The following PCNX2 variants were observed in gnomAD, a reference collection of about 807,000 sequenced individuals.
PCNX2 encodes the protein pecanex-like protein 2.
PCNX2 carries 168 observed loss-of-function variants against 223.8 expected under a neutral mutation model. The observed-to-expected ratio is 0.75, with a 90% CI of 0.66 to 0.85. The LOEUF (loss-of-function observed/expected upper bound fraction) is 0.85, where lower values mean the gene tolerates loss of function less well. Ranked by LOEUF, PCNX2 falls within the 40% of genes least tolerant of loss-of-function variation. The pLI is 0.00. For synonymous variants in PCNX2, 1,006 were observed against 1,052.6 expected (o/e 0.96, Z 0.86); for missense variants, 2,507 against 2,675.5 (o/e 0.94, Z 1.39).
chr1:233,137,138 A>C lies in PCNX2; in HGVS notation c.3660-1948T>G, dbSNP rs1676851425. On this transcript the variant is annotated intron_variant, in intron 20 of 33. Transcript: ENST00000258229. The stretch of plus-strand genomic sequence containing the variant: ...TTCAGTATAACATTGATGGGAAAAC[A>C]AAATGGATTCCTGGCCAGGACCCCA... 3.3e-5 allele frequency among the ~76,000 whole-genome samples: 5 copies of C among 152,268 alleles called. No homozygotes were observed. The South Asian group carries it at 1.0e-3, about 31-fold the overall frequency.
At position 233,155,288 on chromosome 1, in the gene PCNX2, C is replaced by T. The variant is rs144377632; in HGVS notation, c.3517+4995G>A. Among the ~76,000 whole-genome samples the T allele has an allele frequency of 5.3e-5, 8 of 152,202 alleles. 1 individual carries two copies. The East Asian group carries it at 7.7e-4, about 15-fold the overall frequency. On this transcript the variant is annotated intron_variant, in intron 19 of 33. Transcript: ENST00000258229. Reference sequence around the variant, plus strand: ...CTTTGTCTTTCCTGCAGGGCGGAACCTAGTGTCACGGCCCACATTACTGTA... The same window carrying T: ...CTTTGTCTTTCCTGCAGGGCGGAACTTAGTGTCACGGCCCACATTACTGTA...
chr1:233,292,194 CTTTCTTTCTTT>C (rs1396981079), intron 1 of PCNX2, among the ~76,000 whole-genome samples: 2 of 136,908 alleles, frequency 1.5e-5, no homozygotes, highest in African/African-American at 5.7e-5. Context: ...AACTTTCTTT[CTTTCTTTCTTT>C]TTTTTTTTTT....
At chr1:233,229,829 G>GA (rs147978617) in intron 9 of PCNX2, among the ~76,000 whole-genome samples, 4,063 of 150,954 alleles carry the variant, frequency 0.027, 89 homozygotes, top group Non-Finnish European at 0.045. Flanking sequence ...AAAAATTAAT[G>GA]AAAAAAAGAA....
intron 28 of PCNX2, among the ~76,000 whole-genome samples, chr1:233,002,159 G>A (rs1341862251): frequency 6.6e-6 from 1 of 152,094 alleles, no homozygotes; most frequent in East Asian, 1.9e-4. Context: ...ACAATATGGA[G>A]AGAGGAAATA....
chr1:233,192,118 A>G (rs1680452816), intron 15 of PCNX2, among the ~76,000 whole-genome samples: 1 of 152,200 alleles, frequency 6.6e-6, no homozygotes, highest in South Asian at 2.1e-4. Context: ...CTGACCAAGG[A>G]GTCTTACAAT....
chr1:233,108,492 C>T (rs1361203927), intron 21 of PCNX2, among the ~76,000 whole-genome samples: 2 of 152,186 alleles, frequency 1.3e-5, no homozygotes, highest in Admixed American at 6.5e-5. Flanking sequence ...TAGAAATTGC[C>T]GGCTCCTTCT....
intron 14 of PCNX2, among the ~76,000 whole-genome samples, chr1:233,199,709 G>A (rs1680944891): frequency 1.3e-5 from 2 of 151,764 alleles, no homozygotes; most frequent in African/African-American, 4.8e-5. Context: ...TGTCTCTATA[G>A]GTACACACAC....
chr1:233,261,620 G>T (rs12122968), intron 3 of PCNX2, among the ~76,000 whole-genome samples: 45,496 of 152,166 alleles, frequency 0.3, 7,012 homozygotes, highest in South Asian at 0.45. Context: ...GCTCAACAAA[G>T]TTAATCTAGA....
chr1:233,027,630 A>T (rs1307256649), intron 25 of PCNX2, among the ~76,000 whole-genome samples: 3 of 152,124 alleles, frequency 2.0e-5, no homozygotes, highest in Non-Finnish European at 4.4e-5. Context: ...ACGAGGTGAA[A>T]ACTTACGTCA....
intron 15 of PCNX2, among the ~76,000 whole-genome samples, chr1:233,190,302 G>A (rs1488960925): frequency 6.6e-6 from 1 of 152,088 alleles, no homozygotes; most frequent in East Asian, 1.9e-4. Context: ...CACGGCTCTG[G>A]GTAAGTGGGA....
chr1:233,123,236 A>G (rs1475851847), intron 21 of PCNX2, among the ~76,000 whole-genome samples: 4 of 152,204 alleles, frequency 2.6e-5, no homozygotes, highest in African/African-American at 7.2e-5. Context: ...AATTCTCTAT[A>G]CTATCTTCAT....
chr1:233,101,912 TA>T lies in PCNX2; in HGVS notation c.3838-6050del, dbSNP rs368586506. Among the ~76,000 whole-genome samples the T allele has an allele frequency of 1.5e-3, 223 of 152,236 alleles. 1 individual carries two copies. The highest frequency in any genetic ancestry group is 7.5e-3 in the South Asian group (36 of 4,820). ...TGCCTTCTGCCTGCTGTAGAGTAGA[TA>T]AAAATCTGTCATCCATGATAAACCA... On this transcript the variant is annotated intron_variant, in intron 21 of 33. Coordinates refer to ENST00000258229, the MANE Select transcript of PCNX2 (RefSeq NM_014801.4).
intron 25 of PCNX2, among the ~76,000 whole-genome samples, chr1:233,042,897 C>T (rs1042461509): frequency 1.1e-4 from 17 of 152,068 alleles, no homozygotes; most frequent in African/African-American, 3.6e-4. Flanking sequence ...CAAACAAATA[C>T]CTGAAAGGAG....
In PCNX2 at chr1:233,000,809, A is replaced by G. The variant is rs78908595; in HGVS notation, c.5098-274T>C. On this transcript the variant is annotated intron_variant, in intron 29 of 33. Transcript: ENST00000258229. The surrounding 1 kb of genome is among the most constrained non-coding windows in gnomAD (Gnocchi z 4.6). ...TAGATATAGGTTGGGCACTTTTGCT[A>G]AGTCATTGTCTCTGCACAATACCCA... Among the ~76,000 whole-genome samples the G allele has an allele frequency of 0.042, 6,401 of 152,228 alleles. 425 individuals carry two copies. The highest frequency in any genetic ancestry group is 0.14 in the African/African-American group (5,978 of 41,508).
chr1:233,036,520 T>G (rs6424269), intron 25 of PCNX2, among the ~76,000 whole-genome samples: 1 of 151,404 alleles, frequency 6.6e-6, no homozygotes, highest in African/African-American at 2.4e-5. Flanking sequence ...GTCCCAGCTA[T>G]TTGGGAGGCT....
At chr1:233,293,389 T>C (rs1661882635) in intron 1 of PCNX2, among the ~76,000 whole-genome samples, 1 of 152,210 alleles carries the variant, frequency 6.6e-6, no homozygotes, top group African/African-American at 2.4e-5. Context: ...TGCAGAGCAC[T>C]CTGCTATGTA....
chr1:233,008,056 T>C (rs1332594877), intron 28 of PCNX2, among the ~76,000 whole-genome samples: 1 of 152,192 alleles, frequency 6.6e-6, no homozygotes, highest in African/African-American at 2.4e-5. Flanking sequence ...TGAGCCACAA[T>C]ACTGAAAGCA....
the PCNX2 span, among the ~76,000 whole-genome samples, chr1:233,310,944 G>C: frequency 6.6e-6 from 1 of 152,110 alleles, no homozygotes; most frequent in South Asian, 2.1e-4. Flanking sequence ...CTGTTCACCA[G>C]GGATCTGCCC....
chr1:233,090,346 T>C (rs1204243717), intron 22 of PCNX2, 156 bp from the exon 23 acceptor site: 1 of 462,608 alleles, frequency 2.2e-6, no homozygotes, highest in African/African-American at 2.1e-5. Flanking sequence ...GATTTATAAA[T>C]ATAAAACTTT....
Sources: gnomAD v4.1 joint callset for allele counts (sites outside exome capture counted in the v4.1 genomes callset) on GRCh38, gnomAD v4.1.1 for gene constraint, Gnocchi (gnomAD v3.1) non-coding constraint, MANE v1.5 for transcripts, NCBI Gene and HGNC (gene_info 2026-07-23, HGNC 2026-07-21) for gene names.